DRAM1: variants seen among roughly 807,000 people sequenced by gnomAD.
DRAM1 encodes the protein DNA damage regulated autophagy modulator 1.
DRAM1 carries 25 observed loss-of-function variants against 28.5 expected under a neutral mutation model. That is an observed-to-expected ratio of 0.88 (90% CI 0.64 to 1.23). The LOEUF is 1.23. Among genes scored for constraint, DRAM1 ranks in the 50% most tolerant of loss-of-function variants. The pLI, the probability that DRAM1 is intolerant of heterozygous loss-of-function variation, is 0.00. For missense variants in DRAM1, 249 were observed against 299.2 expected, an observed-to-expected ratio of 0.83 and a Z score of 1.24; for synonymous variants, 113 against 114.2, an observed-to-expected ratio of 0.99 and a Z score of 0.07.
chr12:101,911,596 C>G (rs1319732142), intron 4 of DRAM1, among the ~76,000 whole-genome samples: 2 of 152,182 alleles, frequency 1.3e-5, no homozygotes, highest in Non-Finnish European at 2.9e-5. Context: ...TCCACTTTGT[C>G]TTGCTAGAGC....
chr12:101,890,746 TCTA>T (rs1873087351), intron 1 of DRAM1, among the ~76,000 whole-genome samples: 1 of 110,662 alleles, frequency 9.0e-6, no homozygotes, highest in African/African-American at 4.4e-5. Flanking sequence ...CCCCCGCCAT[TCTA>T]TTTTTTTTTT....
chr12:101,895,714 G>A (rs1000188374), intron 1 of DRAM1, among the ~76,000 whole-genome samples: 16 of 150,972 alleles, frequency 1.1e-4, no homozygotes, highest in African/African-American at 3.7e-4. Context: ...GGGATTACCG[G>A]CGTCTGCCAC....
chr12:101,905,578 A>C (rs1345637712), intron 3 of DRAM1, among the ~76,000 whole-genome samples: 2 of 151,268 alleles, frequency 1.3e-5, no homozygotes, highest in South Asian at 2.1e-4. Flanking sequence ...CACTGTGCCC[A>C]GTCTTTTATT....
chr12:101,910,382 G>A (rs574728214), intron 4 of DRAM1, among the ~76,000 whole-genome samples: 3 of 152,036 alleles, frequency 2.0e-5, no homozygotes, highest in South Asian at 2.1e-4. Flanking sequence ...TTCCAACTTC[G>A]GAAACAGATC....
rs760093804 is a variant in DRAM1, at chr12:101,921,249, G to A, written c.706G>A (p.Gly236Ser). Residue 236 changes from glycine (G) to serine (S), a missense_variant, in exon 7 of 7, where the codon GGT becomes AGT. Physicochemically the swap from Gly to Ser is moderately conservative, Grantham distance 56 (BLOSUM62 0). This residue lies in a region of DRAM1 where 16 missense variants were observed against 16.2 expected (regional missense o/e 0.99). Transcript: ENST00000258534. ...VTLRISTEIN[G>S]DI Reference sequence around the variant, plus strand: ...CCTAAGGATATCCACAGAAATCAATGGTGATATTTGAAGAAAGAAGAATTC... The same window carrying A: ...CCTAAGGATATCCACAGAAATCAATAGTGATATTTGAAGAAAGAAGAATTC... The A allele has an allele frequency of 2.5e-6, 4 of 1,606,566 alleles. No individual in the cohort carries two copies. In the East Asian group the frequency reaches 8.9e-5, roughly 36 times the overall value.
In DRAM1 at chr12:101,922,901, C is replaced by G. The variant is rs1221321224; in HGVS notation, c.*1641C>G. On this transcript the variant is annotated 3_prime_UTR_variant, in exon 7 of 7. Transcript: ENST00000258534. ...TTGCTTGAGCCTGGGACTTCGAGAC[C>G]AGACTGGGAAACATGGCAAAATCCC... The G allele has an allele frequency of 3.3e-5, 5 of 152,078 alleles. No individual in the cohort carries two copies. The highest frequency in any genetic ancestry group is 5.9e-5 in the Non-Finnish European group (4 of 68,048). 9.4% of individuals were successfully genotyped at this position (152,078 alleles called of 1,614,324 possible).
At chr12:101,879,939 C>T (rs1161725465) in intron 1 of DRAM1, among the ~76,000 whole-genome samples, 5 of 150,956 alleles carry the variant, frequency 3.3e-5, no homozygotes, top group East Asian at 3.9e-4. Flanking sequence ...TGCAGTGAGC[C>T]GAGACAGAGC....
chr12:101,914,954 G>A (rs7956737), intron 5 of DRAM1, among the ~76,000 whole-genome samples: 38,687 of 148,612 alleles, frequency 0.26, 5,329 homozygotes, highest in Middle Eastern at 0.39. Flanking sequence ...CACCGCACCC[G>A]TCCCTCTAAT....
rs573513991 is a variant in DRAM1, at chr12:101,895,415, T to C, written c.132-2448T>C. 1.2e-4 allele frequency among the ~76,000 whole-genome samples: 18 copies of C among 149,294 alleles called. No homozygotes were observed. The South Asian group carries it at 3.9e-3, about 32-fold the overall frequency. ...CTGGTCTCGAACTCCTGAGCTCAAG[T>C]GATCTTCCCGCCTCGGCCCACAGAA... On this transcript the variant is annotated intron_variant, in intron 1 of 6. Coordinates refer to ENST00000258534, the MANE Select transcript of DRAM1 (RefSeq NM_018370.3).
In DRAM1 at chr12:101,882,385, C is replaced by T. The variant is rs1045144965; in HGVS notation, c.131+4465C>T. Among the ~76,000 whole-genome samples, 3 of 151,140 alleles carry T rather than the reference C, an allele frequency of 2.0e-5. 1 individual carries two copies. Among genetic ancestry groups the T allele is most frequent in the Admixed American group, 2.0e-4 (3 of 15,228 alleles). On this transcript the variant is annotated intron_variant, in intron 1 of 6. Transcript: ENST00000258534. Reference sequence around the variant, plus strand: ...TCAGCCTCCCAAAGTGCTGGGATTACAGGCGTGAGCCACCGCGCCCGGCCC... The same window carrying T: ...TCAGCCTCCCAAAGTGCTGGGATTATAGGCGTGAGCCACCGCGCCCGGCCC...
chr12:101,915,616 C>T (rs1237095698), intron 5 of DRAM1, among the ~76,000 whole-genome samples: 1 of 151,506 alleles, frequency 6.6e-6, no homozygotes, highest in Non-Finnish European at 1.5e-5. Context: ...GATCTCGGCT[C>T]ACTGCAACCT....
chr12:101,894,765 C>T lies in DRAM1; in HGVS notation c.132-3098C>T, dbSNP rs1197717553. ...CTTCATATCGCCACCTCCCTATCTT[C>T]CTAAATATCCTCCTCATTCTTTCAT... is the stretch of plus-strand genomic sequence containing the variant. On this transcript the variant is annotated intron_variant, in intron 1 of 6. Transcript: ENST00000258534. 2.0e-5 allele frequency among the ~76,000 whole-genome samples: 3 copies of T among 152,298 alleles called. No homozygotes were observed. The East Asian group carries it at 5.8e-4, about 29-fold the overall frequency.
Position 101,923,075 on chromosome 12 carries a change from G to C in DRAM1, c.*1815G>C, listed in dbSNP as rs1488847018. The stretch of plus-strand genomic sequence containing the variant: ...CCAATGCACTCCAGTCTGGGCAACA[G>C]AGTGAGACCCTGTCTCAAAAATAAA... On this transcript the variant is annotated 3_prime_UTR_variant, in exon 7 of 7. Coordinates refer to ENST00000258534, the MANE Select transcript of DRAM1 (RefSeq NM_018370.3). The C allele has an allele frequency of 6.6e-6, 1 of 152,110 alleles. No individual in the cohort carries two copies. Among genetic ancestry groups the C allele is most frequent in the Non-Finnish European group, 1.5e-5 (1 of 68,084 alleles). 9.4% of individuals were successfully genotyped at this position (152,110 alleles called of 1,614,324 possible).
chr12:101,909,100 A>G (rs986603284), intron 4 of DRAM1, among the ~76,000 whole-genome samples: 6 of 152,004 alleles, frequency 3.9e-5, no homozygotes, highest in Admixed American at 2.0e-4. Flanking sequence ...TGTCTTTACT[A>G]AAAATACAAA....
At chr12:101,886,204 A>G (rs539083156) in intron 1 of DRAM1, among the ~76,000 whole-genome samples, 1 of 152,336 alleles carries the variant, frequency 6.6e-6, no homozygotes, top group African/African-American at 2.4e-5. Context: ...ACTATTTACA[A>G]TATTTAATAA....
chr12:101,898,105 C>T (rs1306387199), intron 2 of DRAM1, among the ~76,000 whole-genome samples, 175 bp downstream of exon 2: 1 of 152,178 alleles, frequency 6.6e-6, no homozygotes, highest in Non-Finnish European at 1.5e-5. Context: ...ACTGCAGCCT[C>T]AACCTGCCAG....
intron 1 of DRAM1, among the ~76,000 whole-genome samples, chr12:101,883,811 C>T (rs1441422441): frequency 6.6e-6 from 1 of 151,284 alleles, no homozygotes; most frequent in Non-Finnish European, 1.5e-5. Context: ...TGGCATGTGC[C>T]TGTAGTCCCA....
intron 1 of DRAM1, among the ~76,000 whole-genome samples, chr12:101,881,330 A>G (rs2121001537): frequency 6.7e-6 from 1 of 148,274 alleles, no homozygotes; most frequent in Non-Finnish European, 1.5e-5. Context: ...ACATTTATCT[A>G]CTGGCCTTGA....
chr12:101,905,193 C>T (rs1270764708), intron 3 of DRAM1, among the ~76,000 whole-genome samples: 1 of 152,220 alleles, frequency 6.6e-6, no homozygotes, highest in Non-Finnish European at 1.5e-5. Flanking sequence ...AGCCACCATA[C>T]CCTGTCGTAT....
Sources: gnomAD v4.1 joint callset for allele counts (sites outside exome capture counted in the v4.1 genomes callset) on GRCh38, gnomAD v4.1.1 for gene constraint, gnomAD v4.1.1 regional missense constraint, MANE v1.5 for transcripts, NCBI Gene and HGNC (gene_info 2026-07-23, HGNC 2026-07-21) for gene names.